The following GCNA variants were observed in gnomAD, a reference collection of about 807,000 sequenced individuals.
GCNA encodes germ cell nuclear acidic peptidase, also known as germ cell nuclear acidic protein.
Under a neutral mutation model 38.8 loss-of-function variants are expected in GCNA, and 3 were observed. The observed-to-expected ratio is 0.08, with a 90% CI of 0.04 to 0.20. The LOEUF is 0.20. Among genes scored for constraint, GCNA ranks in the 10% least tolerant of loss-of-function variants. The probability of loss-of-function intolerance (pLI) is 1.00; values close to 1 mark genes in which losing one functional copy is unlikely to be tolerated. For missense variants in GCNA, 446 were observed against 578.6 expected (o/e 0.77, Z 2.35); for synonymous variants, 195 against 240.2 (o/e 0.81, Z 1.74).
intron 2 of GCNA, 150 bp downstream of exon 2, chrX:71,581,030 A>G (rs2040542963): frequency 3.9e-6 from 2 of 518,200 alleles, no homozygotes; most frequent in East Asian, 7.9e-5. Context: ...AGGATTTTAC[A>G]AACTAGGAGT....
At chrX:71,580,944 T>A (rs1045253002) in intron 2 of GCNA, 64 bp downstream of exon 2, 7 of 1,029,286 alleles carry the variant, frequency 6.8e-6, no homozygotes, top group Non-Finnish European at 8.0e-6. Context: ...AACAGCTTTC[T>A]CGAGAAGTAT....
chrX:71,580,454 T>C (rs1387387719), intron 1 of GCNA: 1 of 119,380 alleles, frequency 8.4e-6, no homozygotes, highest in East Asian at 2.4e-4. Context: ...TTTCTTTTTT[T>C]TTTCTTTTTA....
At chrX:71,601,006 A>G (rs1259517650) in intron 7 of GCNA, among the ~76,000 whole-genome samples, 4 of 111,547 alleles carry the variant, frequency 3.6e-5, no homozygotes. Flanking sequence ...CTATTCTTCT[A>G]TTCTCTGTCT....
chrX:71,579,108 C>A (rs1208209531), intron 1 of GCNA, among the ~76,000 whole-genome samples: 3 of 99,823 alleles, frequency 3.0e-5, no homozygotes, highest in Non-Finnish European at 6.1e-5. Flanking sequence ...TGTGGTGGCG[C>A]CAGTGGCTAT....
chrX:71,582,739 C>T (rs1248157874), intron 2 of GCNA, among the ~76,000 whole-genome samples: 8 of 111,938 alleles, frequency 7.1e-5, no homozygotes, highest in Non-Finnish European at 1.5e-4. Flanking sequence ...TTTTTCTTGA[C>T]TTTCTTTTCC....
At chrX:71,608,306 A>T (rs2040783001) in intron 9 of GCNA, among the ~76,000 whole-genome samples, 1 of 112,054 alleles carries the variant, frequency 8.9e-6, no homozygotes, top group Non-Finnish European at 1.9e-5. Flanking sequence ...AGAGTCTCGC[A>T]CTGTCGCCGA....
At chrX:71,598,468 G>T (rs2040688954) in intron 7 of GCNA, among the ~76,000 whole-genome samples, 1 of 111,885 alleles carries the variant, frequency 8.9e-6, no homozygotes, top group Non-Finnish European at 1.9e-5. Context: ...GAAGGGTGGT[G>T]GTTATGGGCC....
intron 2 of GCNA, among the ~76,000 whole-genome samples, chrX:71,585,033 G>A (rs760731420): frequency 1.8e-5 from 2 of 108,815 alleles, no homozygotes; most frequent in Non-Finnish European, 3.8e-5. Context: ...AAAGGTGGCC[G>A]AGCCCAGTGG....
At chrX:71,599,259 G>A (rs200441573) in intron 7 of GCNA, among the ~76,000 whole-genome samples, 1 of 111,357 alleles carries the variant, frequency 9.0e-6, no homozygotes, top group Non-Finnish European at 1.9e-5. Flanking sequence ...GGTTTGAAAC[G>A]CTAGTCTCCT....
At chrX:71,601,046 C>T (rs2040709667) in intron 7 of GCNA, among the ~76,000 whole-genome samples, 1 of 111,801 alleles carries the variant, frequency 8.9e-6, no homozygotes, top group South Asian at 3.7e-4. Context: ...CATTTTTAGA[C>T]CCCACATATA....
At chrX:71,588,832 TAAATAAAATA>T (rs772598641) in intron 2 of GCNA, among the ~76,000 whole-genome samples, 1 of 109,623 alleles carries the variant, frequency 9.1e-6, no homozygotes, top group Non-Finnish European at 1.9e-5. Flanking sequence ...GTCTCATAAA[TAAATAAAATA>T]AAATAAAATA....
intron 2 of GCNA, among the ~76,000 whole-genome samples, chrX:71,583,184 C>T (rs186312845): frequency 3.6e-4 from 40 of 112,255 alleles, no homozygotes; most frequent in South Asian, 1.5e-3. Flanking sequence ...TGTGTGCTTA[C>T]GCTTAACTTT....
rs371046758 is a variant in GCNA at position 71,589,450 on chromosome X, C to CTTT, written c.60-2641_60-2639dup. Among the ~76,000 whole-genome samples, 223 of 37,700 alleles carry CTTT rather than the reference C, an allele frequency of 5.9e-3. 27 individuals are homozygous for CTTT. The highest frequency in any genetic ancestry group is 9.4e-3 in the Non-Finnish European group (201 of 21,428). 32.7% of individuals were successfully genotyped at this position (37,700 alleles called of 115,157 possible). ...AGCGTACCTGGCCTGCATATATTTC[C>CTTT]TTTTTTTTTTTTTTTTTTTTTTTTT... On this transcript the variant is annotated intron_variant, in intron 2 of 12. Transcript: ENST00000373696.
chrX:71,590,474 G>A (rs1472814327), intron 2 of GCNA, among the ~76,000 whole-genome samples: 1 of 111,725 alleles, frequency 9.0e-6, no homozygotes, highest in Admixed American at 9.6e-5. Flanking sequence ...CCATACATGG[G>A]AAACCGTACA....
At chrX:71,603,536 G>A (rs1340473239) in intron 7 of GCNA, 52 bp from the exon 8 acceptor site, 1 of 1,162,797 alleles carries the variant, frequency 8.6e-7, no homozygotes, top group Non-Finnish European at 1.1e-6. Flanking sequence ...AGCATATAAA[G>A]GAGGTGGTAG....
chrX:71,592,200 T>C (rs746634024), intron 3 of GCNA, 32 bp downstream of exon 3: 1 of 1,152,160 alleles, frequency 8.7e-7, no homozygotes, highest in East Asian at 3.0e-5. Context: ...CAGGAACATT[T>C]TGAAGTGTCT....
chrX:71,583,476 G>T, intron 2 of GCNA, among the ~76,000 whole-genome samples: 1 of 110,602 alleles, frequency 9.0e-6, no homozygotes, highest in Middle Eastern at 4.7e-3. Context: ...AAAGCGGGGG[G>T]TGTGGAGGGG....
rs1266528540 is a variant in GCNA at position 71,604,199 on chromosome X, A to G, written c.922A>G (p.Lys308Glu). Residue 308 changes from lysine (K) to glutamate (E), a missense_variant, in exon 8 of 13, where the codon AAG becomes GAG. Coordinates refer to ENST00000373696, the MANE Select transcript of GCNA (RefSeq NM_052957.5). Reference protein sequence around the residue: ...SSDDSEAPDDKSDDSDVPEDK... With the variant: ...SSDDSEAPDDESDDSDVPEDK... The stretch of plus-strand genomic sequence containing the variant: ...TGATGATTCGGAAGCTCCCGACGAC[A>G]AGAGTGATGATTCGGATGTTCCCGA... 1 of 1,212,517 alleles carries G rather than the reference A, an allele frequency of 8.2e-7. No individual in the cohort carries two copies. The highest frequency in any genetic ancestry group is 1.1e-6 in the Non-Finnish European group (1 of 895,640).
rs771625083 is a variant in GCNA at position 71,604,640 on chromosome X, A to G, written c.1363A>G (p.Arg455Gly). Residue 455 changes from arginine (R) to glycine (G), a missense_variant, in exon 8 of 13, where the codon AGG (arginine) becomes GGG (glycine). Transcript: ENST00000373696. ...TKNIVEPLRK[R>G]KAKTKNVSVT... is the part of the protein sequence containing the mutation. ...AAATATAGTGGAGCCACTGAGGAAG[A>G]GGAAGGCGAAAACCAAAAATGTATC... 34 of 1,205,863 alleles carry G rather than the reference A, an allele frequency of 2.8e-5. No homozygotes were observed. In the Admixed American group the frequency reaches 7.5e-4, roughly 27 times the overall value.
Sources: gnomAD v4.1 joint callset for allele counts (sites outside exome capture counted in the v4.1 genomes callset) on GRCh38, gnomAD v4.1.1 for gene constraint, MANE v1.5 for transcripts, NCBI Gene and HGNC (gene_info 2026-07-23, HGNC 2026-07-21) for gene names.